C17orf58: variants seen among roughly 807,000 people sequenced by gnomAD.
The protein encoded by C17orf58 is UPF0450 protein C17orf58.
Under a neutral mutation model 7.4 loss-of-function variants are expected in C17orf58, and 5 were observed. The ratio of observed to expected loss-of-function variants is 0.67; its 90% CI spans 0.35 to 1.42. C17orf58 has a LOEUF of 1.42. C17orf58 is among the 40% of genes most tolerant of loss of function. The pLI, the probability that C17orf58 is intolerant of heterozygous loss-of-function variation, is 0.04. For missense variants in C17orf58, 162 were observed against 174.2 expected (o/e 0.93, Z 0.40); for synonymous variants, 60 against 70.6 (o/e 0.85, Z 0.75).
In C17orf58 at chr17:67,993,922, C is replaced by T; in HGVS notation, c.139G>A (p.Gly47Arg). Residue 47 changes from glycine (G) to arginine (R), a missense_variant, in exon 2 of 4, where the codon GGG becomes AGG. By Grantham distance (125) the Gly-to-Arg change is moderately radical. Coordinates refer to ENST00000580729, the MANE Select transcript of C17orf58 (RefSeq NM_001382359.1). The surrounding 1 kb of genome is among the most constrained non-coding windows in gnomAD (Gnocchi z 5.1). ...RGCPSAEETP[G>R]PRAQPLLEAP... Reference sequence around the variant, plus strand: ...TCAAGGAGTGGCTGCGCGCGGGGCCCCGGTGTCTCCTCCGCGCTCGGGCAG... The same window carrying T: ...TCAAGGAGTGGCTGCGCGCGGGGCCTCGGTGTCTCCTCCGCGCTCGGGCAG... 1 of 393,634 alleles carries T rather than the reference C, an allele frequency of 2.5e-6. No individual in the cohort carries two copies. The highest frequency in any genetic ancestry group is 4.5e-6 in the Non-Finnish European group (1 of 223,382). The allele number at this position is 393,634 out of a possible 1,614,324, so 24.4% of individuals were successfully genotyped here. A position where few individuals can be genotyped will look rare whatever the true frequency, so the allele number is the denominator to read the frequency against.
chr17:67,994,042 G>C (rs1461062289), intron 1 of C17orf58, 58 bp from the exon 2 acceptor site: 1 of 383,756 alleles, frequency 2.6e-6, no homozygotes, highest in Non-Finnish European at 4.6e-6. Context: ...GCAGTGAGGG[G>C]AGGCCGTCGG....
In C17orf58 at chr17:67,991,761, C is replaced by G. The variant is rs1375845729; in HGVS notation, c.*152G>C. ...GCATCTTGTAAATAACAAAGTGACA[C>G]CTTCGAGATTACAGTTGCAGCTATG... is the stretch of plus-strand genomic sequence containing the variant. On this transcript the variant is annotated 3_prime_UTR_variant, in exon 4 of 4. Transcript: ENST00000580729. 1.7e-6 allele frequency: 1 copy of G among 594,650 alleles called. No homozygotes were observed. The highest frequency in any genetic ancestry group is 2.9e-6 in the Non-Finnish European group (1 of 350,320). The allele number at this position is 594,650 out of a possible 1,614,324, so 36.8% of individuals were successfully genotyped here.
Position 67,993,276 on chromosome 17 carries a change from G to C in C17orf58, c.638-41C>G, listed in dbSNP as rs374827455. The stretch of plus-strand genomic sequence containing the variant: ...AGTTTGGAGAAGAGCATTACCCCGA[G>C]TTCCTCTCCCAGTCCCCCAGGAGGT... On this transcript the variant is annotated intron_variant, in intron 2 of 3. Transcript: ENST00000580729. The surrounding 1 kb of genome is among the most constrained non-coding windows in gnomAD (Gnocchi z 5.1). 7.1e-6 allele frequency: 9 copies of C among 1,273,902 alleles called. No individual in the cohort carries two copies. In the Admixed American group the frequency reaches 9.2e-5, roughly 13 times the overall value. 78.9% of individuals were successfully genotyped at this position (1,273,902 alleles called of 1,614,324 possible).
In C17orf58 at chr17:67,994,744, G is replaced by C. The variant is rs1330864959; in HGVS notation, c.77-760C>G. ...GCATTTGTAAGTGGATTTTTATCTG[G>C]CTTCTTGGACACCACTTACTGGTAA... On this transcript the variant is annotated intron_variant, in intron 1 of 3. Coordinates refer to ENST00000580729, the MANE Select transcript of C17orf58 (RefSeq NM_001382359.1). Among the ~76,000 whole-genome samples, 4 of 151,656 alleles carry C rather than the reference G, an allele frequency of 2.6e-5. No homozygotes were observed. The East Asian group carries it at 7.7e-4, about 29-fold the overall frequency.
chr17:67,994,964 ACCTC>A (rs1422637932), intron 1 of C17orf58, among the ~76,000 whole-genome samples: 2 of 152,076 alleles, frequency 1.3e-5, no homozygotes, highest in Non-Finnish European at 2.9e-5. Context: ...TGGTGAGTAA[ACCTC>A]AGCCAGCTTG....
At chr17:67,994,506 G>GTATA (rs1486317778) in intron 1 of C17orf58, among the ~76,000 whole-genome samples, 2 of 16,370 alleles carry the variant, frequency 1.2e-4, no homozygotes, top group Non-Finnish European at 2.3e-4. Context: ...GTGTGTGTGT[G>GTATA]TGTGTGTGTG....
intron 1 of C17orf58, among the ~76,000 whole-genome samples, chr17:67,995,673 C>A (rs1467461073): frequency 6.6e-6 from 1 of 152,226 alleles, no homozygotes; most frequent in Non-Finnish European, 1.5e-5. Flanking sequence ...GAGCAAAGTG[C>A]CCGGGGCTGC....
chr17:67,992,805 A>G, intron 3 of C17orf58: 5 of 1,427,786 alleles, frequency 3.5e-6, no homozygotes, highest in Non-Finnish European at 3.8e-6. Context: ...GTCAACATCT[A>G]TTTATTGACA....
At position 67,993,528 on chromosome 17, in the gene C17orf58, C is replaced by A; in HGVS notation, c.533G>T (p.Gly178Val). ...CGCGTCCCTCTGCGGCGGGCTGAGG[C>A]CGAAGCTGAGGCTGAAGCGCGGCGG... ...APPPRFSLSFGLSPPQRDAEP... is the reference protein window; with the variant it reads ...APPPRFSLSFVLSPPQRDAEP... Residue 178 changes from glycine (G) to valine (V), a missense_variant, in exon 2 of 4, where the codon GGC becomes GTC. By Grantham distance (109) the Gly-to-Val change is moderately radical (BLOSUM62 -3). Around this residue, in one of 3 missense-constraint regions of C17orf58, gnomAD observed 93 missense variants for 90.4 expected, o/e 1.03. Transcript: ENST00000580729. This position sits in a 1 kb window ranked among gnomAD's most constrained non-coding sequence, Gnocchi z 5.1. 1 of 375,996 alleles carries A rather than the reference C, an allele frequency of 2.7e-6. No individual in the cohort carries two copies. The highest frequency in any genetic ancestry group is 4.7e-6 in the Non-Finnish European group (1 of 212,230). The allele number at this position is 375,996 out of a possible 1,614,324, so 23.3% of individuals were successfully genotyped here. A position where few individuals can be genotyped will look rare whatever the true frequency, so the allele number is the denominator to read the frequency against.
In C17orf58 at chr17:67,996,282, C is replaced by T. The variant is rs1216962374; in HGVS notation, c.-84G>A. The T allele has an allele frequency of 7.5e-6, 3 of 397,460 alleles. No individual in the cohort carries two copies. In the East Asian group the frequency reaches 1.1e-4, roughly 14 times the overall value. The allele number at this position is 397,460 out of a possible 1,614,324, so 24.6% of individuals were successfully genotyped here. The stretch of plus-strand genomic sequence containing the variant: ...TCCCCCAACCCCTTCTCCACACCCC[C>T]ACCCCCGTTCATGCTAATGAGGGGC... On this transcript the variant is annotated 5_prime_UTR_variant, in exon 1 of 4. Transcript: ENST00000580729.
chr17:67,995,966 A>G (rs1234424970), intron 1 of C17orf58, among the ~76,000 whole-genome samples, 157 bp downstream of exon 1: 6 of 152,204 alleles, frequency 3.9e-5, no homozygotes, highest in African/African-American at 1.2e-4. Context: ...CCTTGGGGAC[A>G]CACTTTGCTC....
At position 67,993,389 on chromosome 17, in the gene C17orf58, G is replaced by GGGCGGCGGGGCGGCGGCGC. The variant is rs2070857350; in HGVS notation, c.637+16_637+34dup. On this transcript the variant is annotated intron_variant, in intron 2 of 3. Transcript: ENST00000580729. This position sits in a 1 kb window ranked among gnomAD's most constrained non-coding sequence, Gnocchi z 5.1. ...TCTCCGGGGCTCGGAAAGGCTCGCG[G>GGGCGGCGGGGCGGCGGCGC]GGCGGCGGGGCGGCGGCGCGGCGGC... 4 of 579,952 alleles carry GGGCGGCGGGGCGGCGGCGC rather than the reference G, an allele frequency of 6.9e-6. No homozygotes were observed. In the Admixed American group the frequency reaches 1.0e-4, roughly 15 times the overall value. The allele number at this position is 579,952 out of a possible 1,614,324, so 35.9% of individuals were successfully genotyped here. A position where few individuals can be genotyped will look rare whatever the true frequency, so the allele number is the denominator to read the frequency against.
intron 1 of C17orf58, among the ~76,000 whole-genome samples, chr17:67,994,537 A>T (rs551383002): frequency 0.057 from 2,267 of 39,628 alleles, 71 homozygotes; most frequent in African/African-American, 0.11. Context: ...TATATATATA[A>T]AACATATATA....
At position 67,994,514 on chromosome 17, in the gene C17orf58, G is replaced by GCA. The variant is rs1285480406; in HGVS notation, c.77-531_77-530insTG. Among the ~76,000 whole-genome samples, 48 of 87,186 alleles carry GCA rather than the reference G, an allele frequency of 5.5e-4. 1 individual carries two copies. The highest frequency in any genetic ancestry group is 6.4e-3 in the Middle Eastern group (1 of 156). The allele number at this position is 87,186 out of a possible 152,430, so 57.2% of individuals were successfully genotyped here. ...TGTGCGTGTGTGTGTGTGTGTGTGT[G>GCA]TGTATATATATATATATATATAAAA... On this transcript the variant is annotated intron_variant, in intron 1 of 3. Transcript: ENST00000580729.
In C17orf58 at chr17:67,996,367, A is replaced by G; in HGVS notation, c.-169T>C. The G allele has an allele frequency of 2.6e-6, 1 of 389,242 alleles. No individual in the cohort carries two copies. Among genetic ancestry groups the G allele is most frequent in the East Asian group, 3.7e-5 (1 of 27,328 alleles). 24.1% of individuals were successfully genotyped at this position (389,242 alleles called of 1,614,324 possible). ...GACCATTGGAACAAAACCGAGCCGC[A>G]GGGATTTCTCCCTCTTCCTTCCTAA... On this transcript the variant is annotated 5_prime_UTR_variant, in exon 1 of 4. Coordinates refer to ENST00000580729, the MANE Select transcript of C17orf58 (RefSeq NM_001382359.1).
Position 67,993,900 on chromosome 17 carries a change from A to G in C17orf58, c.161T>C (p.Leu54Pro), listed in dbSNP as rs1336881302. The G allele has an allele frequency of 4.1e-5, 16 of 387,098 alleles. No individual in the cohort carries two copies. The highest frequency in any genetic ancestry group is 6.8e-5 in the Non-Finnish European group (15 of 219,566). 24.0% of individuals were successfully genotyped at this position (387,098 alleles called of 1,614,324 possible). A position where few individuals can be genotyped will look rare whatever the true frequency, so the allele number is the denominator to read the frequency against. The change falls in exon 2 of 4, where the codon CTT becomes CCT. Residue 54 changes from leucine to proline, a missense_variant. Coordinates refer to ENST00000580729, the MANE Select transcript of C17orf58 (RefSeq NM_001382359.1). The surrounding 1 kb of genome is among the most constrained non-coding windows in gnomAD (Gnocchi z 5.1). ...ETPGPRAQPL[L>P]EAPQRPRAAE... ...CGCGCGCGGCCGCTGCGGGGCCTCA[A>G]GGAGTGGCTGCGCGCGGGGCCCCGG...
At position 67,996,289 on chromosome 17, in the gene C17orf58, G is replaced by A; in HGVS notation, c.-91C>T. 2.6e-6 allele frequency: 1 copy of A among 390,296 alleles called. No homozygotes were observed. Among genetic ancestry groups the A allele is most frequent in the Non-Finnish European group, 4.5e-6 (1 of 222,048 alleles). The allele number at this position is 390,296 out of a possible 1,614,324, so 24.2% of individuals were successfully genotyped here. A position where few individuals can be genotyped will look rare whatever the true frequency, so the allele number is the denominator to read the frequency against. On this transcript the variant is annotated 5_prime_UTR_variant, in exon 1 of 4. In the 5' UTR this introduces an upstream ATG that the reference lacks. Transcript: ENST00000580729. ...ACCCCTTCTCCACACCCCCACCCCCGTTCATGCTAATGAGGGGCAGCCTTT... is the reference window on the plus strand; with the variant it reads ...ACCCCTTCTCCACACCCCCACCCCCATTCATGCTAATGAGGGGCAGCCTTT...
chr17:67,993,288 G>C lies in C17orf58; in HGVS notation c.638-53C>G. The C allele has an allele frequency of 8.6e-7, 1 of 1,169,282 alleles. No individual in the cohort carries two copies. Among genetic ancestry groups the C allele is most frequent in the Non-Finnish European group, 1.2e-6 (1 of 826,956 alleles). 72.4% of individuals were successfully genotyped at this position (1,169,282 alleles called of 1,614,324 possible). A position where few individuals can be genotyped will look rare whatever the true frequency, so the allele number is the denominator to read the frequency against. ...AGCATTACCCCGAGTTCCTCTCCCAGTCCCCCAGGAGGTGGTTTTTAGCAA... is the reference window on the plus strand; with the variant it reads ...AGCATTACCCCGAGTTCCTCTCCCACTCCCCCAGGAGGTGGTTTTTAGCAA... On this transcript the variant is annotated intron_variant, in intron 2 of 3. Transcript: ENST00000580729. The surrounding 1 kb of genome is among the most constrained non-coding windows in gnomAD (Gnocchi z 5.1).
chr17:67,993,067 T>C lies in C17orf58; in HGVS notation c.806A>G (p.Lys269Arg), dbSNP rs782041315. Residue 269 changes from lysine to arginine, a missense_variant, in exon 3 of 4, where the codon AAG becomes AGG. Transcript: ENST00000580729. The surrounding 1 kb of genome is among the most constrained non-coding windows in gnomAD (Gnocchi z 5.1). ...MLALDSSSCNKPCPEFKPGSR... is the reference protein window; with the variant it reads ...MLALDSSSCNRPCPEFKPGSR... Reference sequence around the variant, plus strand: ...ACCAGGTTTAAACTCTGGACACGGCTTATTGCAGCTGGAGGAGTCCAGGGC... The same window carrying C: ...ACCAGGTTTAAACTCTGGACACGGCCTATTGCAGCTGGAGGAGTCCAGGGC... The C allele has an allele frequency of 6.2e-7, 1 of 1,614,156 alleles. No homozygotes were observed. The highest frequency in any genetic ancestry group is 1.7e-5 in the Admixed American group (1 of 60,016).
Sources: allele counts gnomAD v4.1 joint callset (sites outside exome capture counted in the v4.1 genomes callset), GRCh38; gene constraint gnomAD v4.1.1; regional missense constraint gnomAD v4.1.1; non-coding constraint Gnocchi (gnomAD v3.1); transcripts MANE v1.5; gene names NCBI Gene and HGNC (gene_info 2026-07-23, HGNC 2026-07-21).